AKT3: variants seen among roughly 807,000 people sequenced by gnomAD.
AKT3 encodes the protein RAC-gamma serine/threonine-protein kinase.
Under a neutral mutation model 65.3 loss-of-function variants are expected in AKT3, and 15 were observed. That is an observed-to-expected ratio of 0.23 (90% CI 0.15 to 0.35). AKT3 has a LOEUF of 0.35. Ranked by LOEUF, AKT3 falls within the 10% of genes least tolerant of loss-of-function variation. The pLI, the probability that AKT3 is intolerant of heterozygous loss-of-function variation, is 1.00. For synonymous variants in AKT3, 206 were observed against 183.8 expected, an observed-to-expected ratio of 1.12 and a Z score of -0.98; for missense variants, 243 against 576.5, an observed-to-expected ratio of 0.42 and a Z score of 5.92.
intron 2 of AKT3, among the ~76,000 whole-genome samples, chr1:243,831,043 G>A (rs1454821937): frequency 6.6e-6 from 1 of 152,132 alleles, no homozygotes; most frequent in African/African-American, 2.4e-5. Flanking sequence ...CTGTGATCTA[G>A]TCTGTGTTTC....
At chr1:243,661,714 T>C (rs1171006171) in intron 4 of AKT3, among the ~76,000 whole-genome samples, 1 of 120,862 alleles carries the variant, frequency 8.3e-6, no homozygotes, top group African/African-American at 3.1e-5. Context: ...TGGGATCTAA[T>C]TAAACTAAAG....
intron 8 of AKT3, among the ~76,000 whole-genome samples, chr1:243,584,602 G>A (rs1675654906): frequency 6.6e-6 from 1 of 152,104 alleles, no homozygotes; most frequent in Non-Finnish European, 1.5e-5. Flanking sequence ...TGATCAAGTA[G>A]GCATCATTCC....
intron 4 of AKT3, among the ~76,000 whole-genome samples, chr1:243,656,121 T>C (rs922501287): frequency 7.3e-6 from 1 of 137,112 alleles, no homozygotes; most frequent in Admixed American, 7.2e-5. Flanking sequence ...TGTGGGGGGG[T>C]AATTCCTGCA....
At chr1:243,843,913 G>C (rs907167132) in intron 1 of AKT3, among the ~76,000 whole-genome samples, 43 of 152,086 alleles carry the variant, frequency 2.8e-4, no homozygotes, top group African/African-American at 9.9e-4. Context: ...GCCTCCCAAA[G>C]TGCTGGGATT....
At chr1:243,728,763 T>C (rs1461141378) in intron 2 of AKT3, among the ~76,000 whole-genome samples, 1 of 152,190 alleles carries the variant, frequency 6.6e-6, no homozygotes, top group African/African-American at 2.4e-5. Flanking sequence ...ACAAACTCAT[T>C]TGCAGTCTAT....
chr1:243,710,684 G>C (rs1212818845), intron 2 of AKT3, among the ~76,000 whole-genome samples: 2 of 152,118 alleles, frequency 1.3e-5, no homozygotes, highest in East Asian at 3.9e-4. Context: ...CATCTGTATG[G>C]GAATTAATCA....
intron 2 of AKT3, among the ~76,000 whole-genome samples, chr1:243,783,566 A>T (rs902553291): frequency 6.6e-5 from 10 of 152,090 alleles, no homozygotes; most frequent in African/African-American, 1.7e-4. Flanking sequence ...GTGAATTTTT[A>T]AAAAAAAATT....
chr1:243,556,903 G>C (rs922825549), intron 10 of AKT3, among the ~76,000 whole-genome samples: 3 of 152,056 alleles, frequency 2.0e-5, no homozygotes, highest in Non-Finnish European at 4.4e-5. Context: ...AAATTCTACA[G>C]TTGCTTGGTA....
chr1:243,503,125 TGTAA>T lies in AKT3; in HGVS notation c.*2120_*2123del, dbSNP rs552114137. 1.7e-5 allele frequency: 4 copies of T among 233,478 alleles called. No homozygotes were observed. Among genetic ancestry groups the T allele is most frequent in the South Asian group, 3.6e-4 (2 of 5,526 alleles). 14.5% of individuals were successfully genotyped at this position (233,478 alleles called of 1,614,324 possible). On this transcript the variant is annotated 3_prime_UTR_variant, in exon 14 of 14. Coordinates refer to ENST00000673466, the MANE Select transcript of AKT3 (RefSeq NM_005465.7). ...TGAAAAAAAAAAGATTAGCTATGTG[TGTAA>T]GTAAGAATGAACTACCATTTACTGT...
intron 2 of AKT3, among the ~76,000 whole-genome samples, chr1:243,728,262 C>G (rs779336200): frequency 2.3e-4 from 35 of 152,308 alleles, no homozygotes; most frequent in Admixed American, 3.9e-4. Context: ...ATCAAACACA[C>G]ACACACACCC....
intron 4 of AKT3, among the ~76,000 whole-genome samples, chr1:243,660,104 T>TG (rs1168774170): frequency 6.6e-6 from 1 of 152,032 alleles, no homozygotes; most frequent in Non-Finnish European, 1.5e-5. Flanking sequence ...TGAATCCATC[T>TG]GGTCCTGGAC....
rs184631177 is a variant in AKT3 at position 243,752,585 on chromosome 1, A to G, written c.47-56869T>C. On this transcript the variant is annotated intron_variant, in intron 2 of 13. Transcript: ENST00000673466. ...CTCATTTCAATTACACACAAGTCTT[A>G]GATTTGGTATTTTCAACTTTTCATT... Among the ~76,000 whole-genome samples the G allele has an allele frequency of 3.3e-5, 5 of 152,336 alleles. No homozygotes were observed. In the East Asian group the frequency reaches 9.6e-4, roughly 29 times the overall value.
chr1:243,806,255 A>T (rs1342792267), intron 2 of AKT3, among the ~76,000 whole-genome samples: 1 of 152,106 alleles, frequency 6.6e-6, no homozygotes, highest in East Asian at 1.9e-4. Context: ...TATGTTTTTC[A>T]TCTCACCCAA....
chr1:243,645,561 A>G (rs139139731), intron 5 of AKT3, among the ~76,000 whole-genome samples: 10 of 152,352 alleles, frequency 6.6e-5, no homozygotes, highest in African/African-American at 2.4e-4. Flanking sequence ...ATGGAAAAGA[A>G]CAAATCATCA....
intron 4 of AKT3, among the ~76,000 whole-genome samples, chr1:243,657,348 T>C (rs187473252): frequency 1.5e-4 from 23 of 152,306 alleles, no homozygotes; most frequent in African/African-American, 4.1e-4. Context: ...CAGTTTATGA[T>C]AGTTTGTTGT....
chr1:243,799,419 A>G (rs1388166518), intron 2 of AKT3, among the ~76,000 whole-genome samples: 1 of 152,198 alleles, frequency 6.6e-6, no homozygotes, highest in African/African-American at 2.4e-5. Flanking sequence ...TTTACCACAA[A>G]ACTATGGTTG....
At position 243,842,631 on chromosome 1, in the gene AKT3, G is replaced by A. The variant is rs148753324; in HGVS notation, c.46+494C>T. ...TCCTTGTCCTCATTTGGCCTTTTAC[G>A]TCAGGACTTTACTTACCAAATTTAT... On this transcript the variant is annotated intron_variant, in intron 2 of 13. Transcript: ENST00000673466. Among the ~76,000 whole-genome samples the A allele has an allele frequency of 3.7e-3, 564 of 152,220 alleles. 3 individuals are homozygous for A. Among genetic ancestry groups the A allele is most frequent in the Non-Finnish European group, 4.8e-3 (329 of 68,024 alleles).
intron 13 of AKT3, among the ~76,000 whole-genome samples, chr1:243,510,483 C>G (rs1325959926): frequency 6.6e-6 from 1 of 152,218 alleles, no homozygotes; most frequent in Admixed American, 6.5e-5. Flanking sequence ...CAGACTGATG[C>G]TCTTCAGACT....
intron 2 of AKT3, among the ~76,000 whole-genome samples, chr1:243,832,794 C>A (rs552839379): frequency 6.6e-6 from 1 of 152,266 alleles, no homozygotes; most frequent in East Asian, 1.9e-4. Flanking sequence ...GTACTGAATA[C>A]TGTAGGCAAT....
Sources: gnomAD v4.1 joint callset for allele counts (sites outside exome capture counted in the v4.1 genomes callset) on GRCh38, gnomAD v4.1.1 for gene constraint, MANE v1.5 for transcripts, NCBI Gene and HGNC (gene_info 2026-07-23, HGNC 2026-07-21) for gene names.